AK8: variants seen among roughly 807,000 people sequenced by gnomAD.
AK8 encodes the protein ATP-AMP transphosphorylase 8.
In AK8, 44 loss-of-function variants were observed where a neutral mutation model predicts 54.6. The observed-to-expected ratio is 0.81, with a 90% CI of 0.63 to 1.04. AK8 has a LOEUF of 1.04. Ranked by LOEUF, AK8 falls within the 50% of genes least tolerant of loss-of-function variation. AK8 has a pLI of 0.00. For missense variants in AK8, 555 were observed against 613.6 expected, an observed-to-expected ratio of 0.90 and a Z score of 1.01; for synonymous variants, 239 against 245.6, an observed-to-expected ratio of 0.97 and a Z score of 0.25.
intron 10 of AK8, among the ~76,000 whole-genome samples, chr9:132,801,212 G>C (rs1041473022): frequency 3.9e-5 from 6 of 152,282 alleles, no homozygotes; most frequent in African/African-American, 1.4e-4. Flanking sequence ...ATAGGCATGA[G>C]CCACCACGCC....
chr9:132,858,015 T>C (rs1476202858), intron 4 of AK8, among the ~76,000 whole-genome samples: 2 of 152,144 alleles, frequency 1.3e-5, no homozygotes, highest in Non-Finnish European at 2.9e-5. Flanking sequence ...AGTCTGGCAT[T>C]TGGGGAGAAT....
chr9:132,780,450 T>C (rs560754434), intron 11 of AK8, among the ~76,000 whole-genome samples: 1 of 152,264 alleles, frequency 6.6e-6, no homozygotes, highest in African/African-American at 2.4e-5. Flanking sequence ...GGAAGGTCTG[T>C]TTAGCAAAAG....
intron 9 of AK8, among the ~76,000 whole-genome samples, chr9:132,822,922 G>T (rs879386717): frequency 6.6e-6 from 1 of 152,062 alleles, no homozygotes; most frequent in African/African-American, 2.4e-5. Flanking sequence ...CAAACCCCCC[G>T]CTCCAAAGGA....
rs148297652 is a variant in AK8, at chr9:132,863,538, C to T, written c.333+127G>A. 4,477 of 655,910 alleles carry T rather than the reference C, an allele frequency of 6.8e-3. 43 individuals carry two copies. The highest frequency in any genetic ancestry group is 0.012 in the Admixed American group (433 of 36,518). 40.6% of individuals were successfully genotyped at this position (655,910 alleles called of 1,614,324 possible). A position where few individuals can be genotyped will look rare whatever the true frequency, so the allele number is the denominator to read the frequency against. On this transcript the variant is annotated intron_variant, in intron 4 of 12. Transcript: ENST00000298545. ...CACACCCTGCCTGTATCTCATTTTA[C>T]CCCAGCATTTTCTTGTACTCAATCA... is the stretch of plus-strand genomic sequence containing the variant.
At chr9:132,751,884 A>G (rs1837943425) in intron 11 of AK8, among the ~76,000 whole-genome samples, 2 of 151,790 alleles carry the variant, frequency 1.3e-5, no homozygotes, top group South Asian at 4.2e-4. Flanking sequence ...TCTGTCGCCC[A>G]GGCTGGAGTG....
intron 5 of AK8, among the ~76,000 whole-genome samples, chr9:132,831,182 G>A (rs967613965): frequency 6.6e-6 from 1 of 151,510 alleles, no homozygotes; most frequent in African/African-American, 2.4e-5. Flanking sequence ...AGTAAAATAC[G>A]CTCTCCCTTC....
chr9:132,753,992 A>G (rs558790880), intron 11 of AK8, among the ~76,000 whole-genome samples: 1 of 152,316 alleles, frequency 6.6e-6, no homozygotes, highest in South Asian at 2.1e-4. Flanking sequence ...TGGAGCCCGG[A>G]GTGCGGTTCC....
intron 11 of AK8, among the ~76,000 whole-genome samples, chr9:132,784,100 TAAG>T (rs1839589978): frequency 6.6e-6 from 1 of 152,020 alleles, no homozygotes; most frequent in Non-Finnish European, 1.5e-5. Context: ...AGAAAAGTAA[TAAG>T]GAGAACCAAG....
rs78273276 is a variant in AK8, at chr9:132,813,152, G to A, written c.979+1486C>T. Among the ~76,000 whole-genome samples the A allele has an allele frequency of 1.5e-3, 102 of 69,750 alleles. 4 individuals are homozygous for A. The highest frequency in any genetic ancestry group is 4.1e-3 in the East Asian group (5 of 1,226). The allele number at this position is 69,750 out of a possible 152,430, so 45.8% of individuals were successfully genotyped here. On this transcript the variant is annotated intron_variant, in intron 10 of 12. Coordinates refer to ENST00000298545, the MANE Select transcript of AK8 (RefSeq NM_152572.3). Reference sequence around the variant, plus strand: ...GGACCAGACCTGCTCACTGCCCTGAGCCTACACAGATCACCTCATTCTGTG... The same window carrying A: ...GGACCAGACCTGCTCACTGCCCTGAACCTACACAGATCACCTCATTCTGTG...
At chr9:132,862,196 G>A (rs1205523389) in intron 4 of AK8, among the ~76,000 whole-genome samples, 1 of 152,202 alleles carries the variant, frequency 6.6e-6, no homozygotes, top group Non-Finnish European at 1.5e-5. Flanking sequence ...CTGCAAGACT[G>A]CAGGGGCGGC....
chr9:132,866,820 A>G (rs1407520163), intron 3 of AK8, 84 bp downstream of exon 3: 7 of 1,302,668 alleles, frequency 5.4e-6, no homozygotes, highest in Non-Finnish European at 7.8e-6. Flanking sequence ...TTATGCTACA[A>G]ATTCACGGAG....
At chr9:132,782,778 G>A (rs926622452) in intron 11 of AK8, among the ~76,000 whole-genome samples, 1 of 152,206 alleles carries the variant, frequency 6.6e-6, no homozygotes, top group African/African-American at 2.4e-5. Context: ...AGAACAGAGG[G>A]TGGACACTTA....
chr9:132,759,048 A>G (rs1179457920), intron 11 of AK8, among the ~76,000 whole-genome samples: 1 of 151,614 alleles, frequency 6.6e-6, no homozygotes, highest in Non-Finnish European at 1.5e-5. Flanking sequence ...AAAATACAAA[A>G]ATTAGCCTGG....
At chr9:132,831,541 C>A (rs769282966) in intron 5 of AK8, among the ~76,000 whole-genome samples, 1 of 152,182 alleles carries the variant, frequency 6.6e-6, no homozygotes, top group Non-Finnish European at 1.5e-5. Context: ...TGCTTCAAGT[C>A]TCCATTGTGT....
At chr9:132,844,023 T>C (rs1048650315) in intron 5 of AK8, among the ~76,000 whole-genome samples, 3 of 152,190 alleles carry the variant, frequency 2.0e-5, no homozygotes, top group African/African-American at 7.2e-5. Context: ...ATGGTGACTA[T>C]GGTCAAGGTA....
intron 10 of AK8, among the ~76,000 whole-genome samples, chr9:132,808,421 T>C (rs1371961239): frequency 1.3e-5 from 2 of 152,168 alleles, no homozygotes; most frequent in Non-Finnish European, 1.5e-5. Context: ...GAGCCTGGGA[T>C]CAAGGGACTG....
At chr9:132,875,427 A>C (rs1844051416) in intron 1 of AK8, among the ~76,000 whole-genome samples, 2 of 152,142 alleles carry the variant, frequency 1.3e-5, no homozygotes, top group Non-Finnish European at 2.9e-5. Context: ...GCAGAAGTGG[A>C]GGAGTCTCGC....
intron 11 of AK8, among the ~76,000 whole-genome samples, chr9:132,785,046 C>T (rs1331593876): frequency 1.3e-5 from 2 of 151,656 alleles, no homozygotes; most frequent in African/African-American, 4.8e-5. Flanking sequence ...TCCCTGGCTC[C>T]CCCAAAATGG....
Position 132,823,340 on chromosome 9 carries a change from GAA to G in AK8, c.758-6_758-5del. On this transcript the variant is annotated splice_region_variant and splice_polypyrimidine_tract_variant and intron_variant, in intron 8 of 12. Transcript: ENST00000298545. ...TTGCTTTGGACATAGGTCAGAGCTG[GAA>G]AGAGAGGATATGAGGATAATAAACC... 2.5e-6 allele frequency: 4 copies of G among 1,613,862 alleles called. No individual in the cohort carries two copies. Among genetic ancestry groups the G allele is most frequent in the Non-Finnish European group, 3.4e-6 (4 of 1,179,874 alleles).
Sources: allele counts gnomAD v4.1 joint callset (sites outside exome capture counted in the v4.1 genomes callset), GRCh38; gene constraint gnomAD v4.1.1; transcripts MANE v1.5; gene names NCBI Gene and HGNC (gene_info 2026-07-23, HGNC 2026-07-21).